ANK2: variants seen among roughly 807,000 people sequenced by gnomAD.
ANK2 encodes ankyrin-2.
A neutral mutation model predicts 360.5 loss-of-function variants in ANK2; 83 were observed. The ratio of observed to expected loss-of-function variants is 0.23; its 90% CI spans 0.19 to 0.28. ANK2 has a LOEUF of 0.28. ANK2 is among the 10% of genes least tolerant of loss of function. The pLI, the probability that ANK2 is intolerant of heterozygous loss-of-function variation, is 1.00. For synonymous variants in ANK2, 1,740 were observed against 1,759.5 expected (o/e 0.99, Z 0.28); for missense variants, 4,201 against 4,795.7 (o/e 0.88, Z 3.66).
chr4:112,746,857 AT>A, the ANK2 span, among the ~76,000 whole-genome samples: 1 of 152,246 alleles, frequency 6.6e-6, no homozygotes, highest in East Asian at 1.9e-4. Flanking sequence ...TAAAAAAGAC[AT>A]GCTTTTGTGA....
At chr4:112,721,716 G>A in the ANK2 span, among the ~76,000 whole-genome samples, 7 of 152,270 alleles carry the variant, frequency 4.6e-5, no homozygotes, top group African/African-American at 1.7e-4. Context: ...TAATGAAATT[G>A]TGAATCCTGA....
rs182648456 is a variant in ANK2 at position 113,230,668 on chromosome 4, C to T, written c.385-1493C>T. ...TTTTGAGACCTTATGAATTATTTCACAAGAAGGTTTTGTAGGTTTTTTCCT... is the reference window on the plus strand; with the variant it reads ...TTTTGAGACCTTATGAATTATTTCATAAGAAGGTTTTGTAGGTTTTTTCCT... On this transcript the variant is annotated intron_variant, in intron 4 of 45. Transcript: ENST00000357077. Among the ~76,000 whole-genome samples the T allele has an allele frequency of 4.2e-3, 639 of 152,276 alleles. 11 individuals are homozygous for T. Among genetic ancestry groups the T allele is most frequent in the Non-Finnish European group, 6.6e-3 (449 of 68,032 alleles).
At chr4:113,245,538 G>A (rs181596096) in intron 9 of ANK2, among the ~76,000 whole-genome samples, 5 of 152,192 alleles carry the variant, frequency 3.3e-5, no homozygotes, top group Admixed American at 2.0e-4. Context: ...AGAGAAATAA[G>A]TGCCCAGTGA....
intron 27 of ANK2, among the ~76,000 whole-genome samples, chr4:113,330,991 C>G (rs575944728): frequency 1.1e-4 from 16 of 152,114 alleles, no homozygotes; most frequent in African/African-American, 3.9e-4. Flanking sequence ...GCTATTTAGT[C>G]ACAGTTTATA....
At chr4:113,165,429 G>A (rs1244014876) in intron 1 of ANK2, among the ~76,000 whole-genome samples, 2 of 152,016 alleles carry the variant, frequency 1.3e-5, no homozygotes, top group Non-Finnish European at 2.9e-5. Context: ...AAATATTAGG[G>A]CAAATTATCT....
the ANK2 span, among the ~76,000 whole-genome samples, chr4:112,758,198 C>T: frequency 1.3e-5 from 2 of 151,894 alleles, no homozygotes; most frequent in Non-Finnish European, 2.9e-5. Context: ...CCGCGTCCGG[C>T]CAAGATGGAT....
chr4:113,205,935 C>T (rs1002769675), intron 4 of ANK2, among the ~76,000 whole-genome samples: 1 of 152,130 alleles, frequency 6.6e-6, no homozygotes, highest in African/African-American at 2.4e-5. Flanking sequence ...CAGAGACACA[C>T]ACATACATGG....
At chr4:112,996,629 A>G (rs1374945159) in intron 2 of ANK2, among the ~76,000 whole-genome samples, 2 of 152,060 alleles carry the variant, frequency 1.3e-5, no homozygotes, top group East Asian at 3.9e-4. Flanking sequence ...GGTACGTGGT[A>G]TATTTATGGG....
chr4:113,050,152 G>T (rs115618902), intron 1 of ANK2, among the ~76,000 whole-genome samples: 1 of 151,864 alleles, frequency 6.6e-6, no homozygotes, highest in Non-Finnish European at 1.5e-5. Flanking sequence ...TGTGTAAAAG[G>T]AAGAGTGTTA....
chr4:113,091,168 C>T (rs767746336), intron 1 of ANK2, among the ~76,000 whole-genome samples: 11 of 152,172 alleles, frequency 7.2e-5, no homozygotes, highest in Non-Finnish European at 2.9e-5. Flanking sequence ...TACTTCAGCA[C>T]AGATTGTACC....
chr4:113,186,671 A>G (rs2098535424), intron 2 of ANK2, among the ~76,000 whole-genome samples: 1 of 151,268 alleles, frequency 6.6e-6, no homozygotes, highest in Non-Finnish European at 1.5e-5. Context: ...TATGATCTCT[A>G]GTCTTTTCAA....
chr4:112,816,962 G>A (rs1341099269), upstream of ANK2, among the ~76,000 whole-genome samples: 1 of 152,206 alleles, frequency 6.6e-6, no homozygotes. Flanking sequence ...AGTGAGCCAA[G>A]ATTGTGCCAC....
intron 8 of ANK2, 58 bp from the exon 9 acceptor site, chr4:113,242,053 C>A (rs2040239690): frequency 7.3e-7 from 1 of 1,364,378 alleles, no homozygotes; most frequent in Non-Finnish European, 1.0e-6. Flanking sequence ...AACACAAAGG[C>A]ATCGCCATCA....
intron 1 of ANK2, among the ~76,000 whole-genome samples, chr4:113,090,684 A>T (rs746913372): frequency 1.3e-5 from 2 of 152,224 alleles, no homozygotes; most frequent in Non-Finnish European, 2.9e-5. Flanking sequence ...TTAGTTGCCA[A>T]TGTTTTAATC....
chr4:113,374,125 T>G (rs1229546319), intron 45 of ANK2, among the ~76,000 whole-genome samples: 2 of 152,174 alleles, frequency 1.3e-5, no homozygotes, highest in African/African-American at 4.8e-5. Flanking sequence ...CATTTCACCA[T>G]GTTGGGCAGG....
chr4:113,303,777 T>G (rs1244702838), intron 23 of ANK2, among the ~76,000 whole-genome samples: 4 of 152,182 alleles, frequency 2.6e-5, no homozygotes, highest in Non-Finnish European at 5.9e-5. Context: ...CCAATGAACA[T>G]GATTGAAAAA....
At chr4:113,211,513 T>A (rs2099020952) in intron 4 of ANK2, among the ~76,000 whole-genome samples, 1 of 152,160 alleles carries the variant, frequency 6.6e-6, no homozygotes, top group South Asian at 2.1e-4. Flanking sequence ...GACCAAAAAT[T>A]GTGGAAGCAA....
intron 1 of ANK2, among the ~76,000 whole-genome samples, chr4:112,846,749 C>G (rs959856146): frequency 6.6e-6 from 1 of 152,116 alleles, no homozygotes; most frequent in African/African-American, 2.4e-5. Flanking sequence ...TTGATGATCC[C>G]TGCATCAGTC....
At chr4:113,072,765 T>TTTTTTTTTTTTTTTG (rs142762570) in intron 1 of ANK2, among the ~76,000 whole-genome samples, 1 of 121,196 alleles carries the variant, frequency 8.3e-6, no homozygotes, top group Non-Finnish European at 1.8e-5. Flanking sequence ...TTTTTTTTTT[T>TTTTTTTTTTTTTTTG]GCTGTCTTGT....
Sources: gnomAD v4.1 joint callset for allele counts (sites outside exome capture counted in the v4.1 genomes callset) on GRCh38, gnomAD v4.1.1 for gene constraint, MANE v1.5 for transcripts, NCBI Gene and HGNC (gene_info 2026-07-23, HGNC 2026-07-21) for gene names.